Variants in ALK observed in about 807,000 individuals in gnomAD.
The protein encoded by ALK is ALK receptor tyrosine kinase, also known as ALK tyrosine kinase receptor.
ALK carries 74 observed loss-of-function variants against 163.1 expected under a neutral mutation model. The ratio of observed to expected loss-of-function variants is 0.45; its 90% CI spans 0.38 to 0.55. The LOEUF (loss-of-function observed/expected upper bound fraction) is 0.55, where lower values mean the gene tolerates loss of function less well. ALK is among the 20% of genes least tolerant of loss of function. The probability of loss-of-function intolerance (pLI) is 0.00; values close to 1 mark genes in which losing one functional copy is unlikely to be tolerated. For missense variants in ALK, 2,063 were observed against 2,105.3 expected (o/e 0.98, Z 0.39); for synonymous variants, 960 against 843.2 (o/e 1.14, Z -2.40).
chr2:29,594,153 T>G (rs1171352907), intron 3 of ALK, among the ~76,000 whole-genome samples: 2 of 152,176 alleles, frequency 1.3e-5, no homozygotes, highest in African/African-American at 4.8e-5. Flanking sequence ...GTAGTAATGT[T>G]GAAAAATTCT....
At chr2:29,379,387 G>T (rs1668839945) in intron 5 of ALK, among the ~76,000 whole-genome samples, 1 of 152,194 alleles carries the variant, frequency 6.6e-6, no homozygotes, top group Admixed American at 6.5e-5. Context: ...TAACCAATCA[G>T]TCAACATGTA....
intron 4 of ALK, among the ~76,000 whole-genome samples, chr2:29,511,341 T>A (rs2148140544): frequency 6.6e-6 from 1 of 152,254 alleles, no homozygotes; most frequent in South Asian, 2.1e-4. Flanking sequence ...TCATTAGAGA[T>A]TAGTAGATTA....
intron 8 of ALK, among the ~76,000 whole-genome samples, chr2:29,314,301 TG>T (rs956444437): frequency 2.0e-5 from 3 of 152,132 alleles, no homozygotes; most frequent in African/African-American, 7.2e-5. Flanking sequence ...ACACAAAGGA[TG>T]GGTCCCCTTT....
rs2148188803 is a variant in ALK at position 29,239,776 on chromosome 2, C to T, written c.2259G>A (p.Arg753=). Residue 753 remains arginine (R), a synonymous_variant, in exon 13 of 29, where the codon CGG becomes CGA. Coordinates refer to ENST00000389048, the MANE Select transcript of ALK (RefSeq NM_004304.5). ...GGKGGKNTMM[R]SHGVSVLGIF... is the part of the protein sequence containing the mutation. ...TGCCCAGCACAGACACGCCGTGGGACCGCATCATGGTGTTCTTCCCGCCTT... is the reference window on the plus strand; with the variant it reads ...TGCCCAGCACAGACACGCCGTGGGATCGCATCATGGTGTTCTTCCCGCCTT... 1.2e-6 allele frequency: 2 copies of T among 1,614,034 alleles called. No individual in the cohort carries two copies. The highest frequency in any genetic ancestry group is 2.2e-5 in the South Asian group (2 of 91,084).
At chr2:29,251,738 T>C (rs1038173190) in intron 11 of ALK, among the ~76,000 whole-genome samples, 3 of 152,218 alleles carry the variant, frequency 2.0e-5, no homozygotes, top group African/African-American at 7.2e-5. Flanking sequence ...TATAGTTGAC[T>C]GCAACTAACC....
intron 2 of ALK, among the ~76,000 whole-genome samples, chr2:29,704,066 G>T (rs1353775025): frequency 1.3e-5 from 2 of 152,140 alleles, no homozygotes; most frequent in African/African-American, 4.8e-5. Context: ...ATAGGAAAAT[G>T]CCAATGTATT....
chr2:29,802,737 T>C (rs1281887902), intron 1 of ALK, among the ~76,000 whole-genome samples: 3 of 151,702 alleles, frequency 2.0e-5, no homozygotes, highest in African/African-American at 7.3e-5. Context: ...CCCTTGTACC[T>C]ACACTGGAAA....
chr2:29,610,139 A>C (rs1429288603), intron 3 of ALK, among the ~76,000 whole-genome samples: 1 of 152,238 alleles, frequency 6.6e-6, no homozygotes, highest in African/African-American at 2.4e-5. Flanking sequence ...AAGTACCAGC[A>C]TAACTTTGTT....
At chr2:29,716,926 C>T (rs547880282) in intron 2 of ALK, among the ~76,000 whole-genome samples, 3 of 143,748 alleles carry the variant, frequency 2.1e-5, no homozygotes, top group Admixed American at 7.5e-5. Flanking sequence ...AGGCGGATCA[C>T]GAGGTCAGGA....
rs928074763 is a variant in ALK, at chr2:29,358,333, G to A, written c.1282+25399C>T. Among the ~76,000 whole-genome samples, 7 of 152,198 alleles carry A rather than the reference G, an allele frequency of 4.6e-5. No homozygotes were observed. In the South Asian group the frequency reaches 1.5e-3, roughly 32 times the overall value. On this transcript the variant is annotated intron_variant, in intron 5 of 28. Coordinates refer to ENST00000389048, the MANE Select transcript of ALK (RefSeq NM_004304.5). ...TGACTGAAAAAGGTGATCAAATTGT[G>A]TAATTTTTAATAAATGTTCTGGCCT... is the stretch of plus-strand genomic sequence containing the variant.
rs201261649 is a variant in ALK at position 29,249,669 on chromosome 2, C to T, written c.2204+1436G>A. Among the ~76,000 whole-genome samples the T allele has an allele frequency of 5.3e-5, 8 of 152,324 alleles. No individual in the cohort carries two copies. In the East Asian group the frequency reaches 1.5e-3, roughly 29 times the overall value. ...CATGGGAACACCAATAATAATGCTACCCACCCTATGCTCATACAGGAGCAA... is the reference window on the plus strand; with the variant it reads ...CATGGGAACACCAATAATAATGCTATCCACCCTATGCTCATACAGGAGCAA... On this transcript the variant is annotated intron_variant, in intron 12 of 28. Coordinates refer to ENST00000389048, the MANE Select transcript of ALK (RefSeq NM_004304.5).
At chr2:29,762,922 A>C (rs1407216720) in intron 1 of ALK, among the ~76,000 whole-genome samples, 1 of 152,060 alleles carries the variant, frequency 6.6e-6, no homozygotes, top group African/African-American at 2.4e-5. Context: ...CCCCATCTCT[A>C]CTAAAAATAC....
intron 8 of ALK, among the ~76,000 whole-genome samples, chr2:29,300,123 T>A (rs1369795289): frequency 6.6e-6 from 1 of 152,164 alleles, no homozygotes; most frequent in East Asian, 1.9e-4. Context: ...GAACCATGTA[T>A]AGGGGAGCCC....
chr2:29,510,757 C>T (rs777809316), intron 4 of ALK, among the ~76,000 whole-genome samples: 2 of 152,086 alleles, frequency 1.3e-5, no homozygotes, highest in Non-Finnish European at 2.9e-5. Context: ...AGGTGGGACA[C>T]TGGAGTTTTA....
At chr2:29,869,750 T>C (rs1001701443) in intron 1 of ALK, among the ~76,000 whole-genome samples, 5 of 152,128 alleles carry the variant, frequency 3.3e-5, no homozygotes, top group Non-Finnish European at 7.4e-5. Flanking sequence ...TTGAATTGCA[T>C]GCCAAAAAAT....
chr2:29,284,447 G>C (rs1381957770), intron 9 of ALK, among the ~76,000 whole-genome samples: 1 of 152,146 alleles, frequency 6.6e-6, no homozygotes, highest in Non-Finnish European at 1.5e-5. Flanking sequence ...CATTTTCCGA[G>C]ACATTAAGAA....
chr2:29,294,484 T>G (rs1666125072), intron 9 of ALK, among the ~76,000 whole-genome samples: 1 of 152,224 alleles, frequency 6.6e-6, no homozygotes, highest in African/African-American at 2.4e-5. Context: ...TTAGTGTGGA[T>G]CAGGCAGTTA....
At chr2:29,263,430 G>A (rs1665137907) in intron 11 of ALK, among the ~76,000 whole-genome samples, 1 of 152,162 alleles carries the variant, frequency 6.6e-6, no homozygotes, top group African/African-American at 2.4e-5. Flanking sequence ...ATGAGCAGAC[G>A]GAGGTGCAGG....
intron 1 of ALK, among the ~76,000 whole-genome samples, chr2:29,727,176 C>T (rs527543699): frequency 6.6e-6 from 1 of 152,320 alleles, no homozygotes; most frequent in South Asian, 2.1e-4. Flanking sequence ...TCCATGGCAA[C>T]CACCACAAAG....
Sources: allele counts gnomAD v4.1 joint callset (sites outside exome capture counted in the v4.1 genomes callset), GRCh38; gene constraint gnomAD v4.1.1; transcripts MANE v1.5; gene names NCBI Gene and HGNC (gene_info 2026-07-23, HGNC 2026-07-21).